Variants in ARHGEF38 observed in about 807,000 individuals in gnomAD.
The protein encoded by ARHGEF38 is Rho guanine nucleotide exchange factor 38.
In ARHGEF38, 79 loss-of-function variants were observed where a neutral mutation model predicts 79.9. The observed-to-expected ratio is 0.99, with a 90% CI of 0.82 to 1.19. ARHGEF38 has a LOEUF of 1.19. ARHGEF38 is among the 50% of genes most tolerant of loss of function. The pLI is 0.00. For synonymous variants in ARHGEF38, 366 were observed against 328.3 expected (o/e 1.11, Z -1.24); for missense variants, 962 against 907.2 (o/e 1.06, Z -0.78).
At chr4:105,603,935 A>G (rs998456103) in intron 2 of ARHGEF38, among the ~76,000 whole-genome samples, 4 of 152,180 alleles carry the variant, frequency 2.6e-5, no homozygotes, top group African/African-American at 9.7e-5. Flanking sequence ...ATAGCTAAGA[A>G]ATTGATGCCT....
At chr4:105,624,547 T>C (rs1464229878) in intron 3 of ARHGEF38, among the ~76,000 whole-genome samples, 2 of 152,158 alleles carry the variant, frequency 1.3e-5, no homozygotes, top group Non-Finnish European at 2.9e-5. Context: ...AGCAGTTTTA[T>C]CCCCTAGGCT....
chr4:105,561,449 G>GGAATAGAATAGAATA (rs1163338378), intron 1 of ARHGEF38: 6 of 45,608 alleles, frequency 1.3e-4, no homozygotes, highest in Admixed American at 5.0e-4. Flanking sequence ...AGAATAGAAT[G>GGAATAGAATAGAATA]GAATAGAATA....
chr4:105,646,810 T>A (rs1366260405), intron 6 of ARHGEF38, among the ~76,000 whole-genome samples: 2 of 149,506 alleles, frequency 1.3e-5, no homozygotes, highest in African/African-American at 2.5e-5. Context: ...AATGGGTTAA[T>A]CTCAAAAACA....
chr4:105,667,834 CA>C, intron 13 of ARHGEF38, 131 bp downstream of exon 13: 1 of 1,034,346 alleles, frequency 9.7e-7, no homozygotes, highest in South Asian at 1.7e-5. Context: ...GCTCTATTAG[CA>C]CAGTGGATCT....
intron 6 of ARHGEF38, among the ~76,000 whole-genome samples, chr4:105,648,048 C>T (rs567611159): frequency 2.6e-5 from 4 of 151,986 alleles, no homozygotes; most frequent in South Asian, 2.1e-4. Flanking sequence ...CACCACCATG[C>T]CAGGCTAATT....
chr4:105,654,808 T>C (rs1730255854), intron 8 of ARHGEF38, among the ~76,000 whole-genome samples: 1 of 152,174 alleles, frequency 6.6e-6, no homozygotes, highest in South Asian at 2.1e-4. Flanking sequence ...CATGCCACCT[T>C]GACAATGGCT....
chr4:105,661,179 A>T (rs540117103), intron 10 of ARHGEF38, among the ~76,000 whole-genome samples: 2 of 152,316 alleles, frequency 1.3e-5, no homozygotes, highest in East Asian at 3.9e-4. Context: ...TTTATCGCCA[A>T]ATAACATTCC....
At chr4:105,638,147 G>A (rs1455202337) in intron 5 of ARHGEF38, among the ~76,000 whole-genome samples, 1 of 152,158 alleles carries the variant, frequency 6.6e-6, no homozygotes, top group African/African-American at 2.4e-5. Context: ...GCATTTAAGA[G>A]TACAAGATGT....
intron 5 of ARHGEF38, among the ~76,000 whole-genome samples, chr4:105,640,596 C>T (rs998867182): frequency 6.6e-6 from 1 of 152,154 alleles, no homozygotes; most frequent in African/African-American, 2.4e-5. Context: ...CTCTTTGCTT[C>T]TTTCCTGTGT....
intron 2 of ARHGEF38, among the ~76,000 whole-genome samples, chr4:105,600,000 G>A (rs1179941139): frequency 6.6e-6 from 1 of 152,178 alleles, no homozygotes; most frequent in Non-Finnish European, 1.5e-5. Flanking sequence ...TTGGAGTTCA[G>A]AGAAGGGACA....
At chr4:105,565,584 T>C (rs1725848636) in intron 1 of ARHGEF38, among the ~76,000 whole-genome samples, 1 of 152,162 alleles carries the variant, frequency 6.6e-6, no homozygotes, top group South Asian at 2.1e-4. Context: ...GTGTTTGCAC[T>C]ATACGGGTAG....
At chr4:105,661,838 C>A (rs1049602177) in intron 10 of ARHGEF38, among the ~76,000 whole-genome samples, 1 of 152,086 alleles carries the variant, frequency 6.6e-6, no homozygotes, top group Non-Finnish European at 1.5e-5. Context: ...TAAATGGAAT[C>A]ATACAATATG....
Position 105,659,174 on chromosome 4 carries a change from C to T in ARHGEF38, c.1354C>T (p.Gln452Ter). The T allele has an allele frequency of 2.6e-6, 4 of 1,536,144 alleles. No homozygotes were observed. The highest frequency in any genetic ancestry group is 3.5e-6 in the Non-Finnish European group (4 of 1,146,880). The change falls in exon 10 of 14, where the codon CAG (glutamine) becomes TAG (stop). Residue 452 changes from glutamine (Q) to a stop codon, truncating the protein, a stop_gained. Transcript: ENST00000420470. LOFTEE classifies it high-confidence loss of function. ...DKLLDCNSYL[Q>*]RSTGEESDLA... ...ACTGCTGGATTGCAACAGCTACCTG[C>T]AGCGATCAACGGGAGAGGAGTCAGA...
At position 105,579,925 on chromosome 4, in the gene ARHGEF38, T is replaced by C. The variant is rs185448352; in HGVS notation, c.197-9323T>C. On this transcript the variant is annotated intron_variant, in intron 1 of 13. Coordinates refer to ENST00000420470, the MANE Select transcript of ARHGEF38 (RefSeq NM_001242729.2). The stretch of plus-strand genomic sequence containing the variant: ...AGTTTTGGAGCTCATTATTGGTCTG[T>C]TCAGAAATTGAATTTCTTCCTGGTT... 2.0e-3 allele frequency among the ~76,000 whole-genome samples: 311 copies of C among 152,342 alleles called. 1 individual carries two copies. Among genetic ancestry groups the C allele is most frequent in the Admixed American group, 4.6e-3 (71 of 15,310 alleles).
chr4:105,639,465 T>A (rs1729533673), intron 5 of ARHGEF38, among the ~76,000 whole-genome samples: 1 of 152,152 alleles, frequency 6.6e-6, no homozygotes, highest in African/African-American at 2.4e-5. Flanking sequence ...AACATTAGTT[T>A]ATAAAGGATG....
chr4:105,631,683 A>C (rs996000743), intron 4 of ARHGEF38: 1 of 975,224 alleles, frequency 1.0e-6, no homozygotes, highest in African/African-American at 1.8e-5. Context: ...CTATTTCACT[A>C]TTAGCCCCTT....
intron 3 of ARHGEF38, among the ~76,000 whole-genome samples, chr4:105,625,181 T>A (rs150470455): frequency 0.01 from 1,532 of 152,308 alleles, 8 homozygotes; most frequent in South Asian, 0.028. Flanking sequence ...ACAAGCAACA[T>A]CCAACTTTAT....
intron 3 of ARHGEF38, among the ~76,000 whole-genome samples, chr4:105,625,063 T>G (rs1728886929): frequency 6.6e-6 from 1 of 152,220 alleles, no homozygotes; most frequent in Admixed American, 6.5e-5. Context: ...TTTTGGGATA[T>G]ATCTCAGGCC....
chr4:105,573,197 T>C (rs1726321721), intron 1 of ARHGEF38, among the ~76,000 whole-genome samples: 1 of 152,170 alleles, frequency 6.6e-6, no homozygotes, highest in Admixed American at 6.6e-5. Flanking sequence ...GCTTTTTTAT[T>C]TTGTTGATAG....
Sources: allele counts gnomAD v4.1 joint callset (sites outside exome capture counted in the v4.1 genomes callset), GRCh38; gene constraint gnomAD v4.1.1; transcripts MANE v1.5; gene names NCBI Gene and HGNC (gene_info 2026-07-23, HGNC 2026-07-21).